The following DGLUCY variants were observed in gnomAD, a reference collection of about 807,000 sequenced individuals.
The protein encoded by DGLUCY is D-glutamate cyclase, also known as D-glutamate cyclase, mitochondrial.
In DGLUCY, 58 loss-of-function variants were observed where a neutral mutation model predicts 58.5. The ratio of observed to expected loss-of-function variants is 0.99; its 90% CI spans 0.80 to 1.23. The LOEUF (loss-of-function observed/expected upper bound fraction) is 1.23. DGLUCY is among the 50% of genes most tolerant of loss of function. DGLUCY has a pLI of 0.00. For synonymous variants in DGLUCY, 325 were observed against 314.1 expected (o/e 1.03, Z -0.37); for missense variants, 779 against 784.7 (o/e 0.99, Z 0.09).
At chr14:91,165,403 T>C in intron 3 of DGLUCY, 1 of 399,474 alleles carries the variant, frequency 2.5e-6, no homozygotes, top group South Asian at 1.9e-5. Flanking sequence ...AGCCACAGCC[T>C]GGGTTCACAC....
chr14:91,218,906 A>G (rs2750091), intron 13 of DGLUCY, among the ~76,000 whole-genome samples: 31,506 of 151,314 alleles, frequency 0.21, 3,712 homozygotes, highest in Non-Finnish European at 0.26. Flanking sequence ...GAGGCCGGGC[A>G]TGGTGGCTCT....
At chr14:91,142,840 AACACACACACACAC>A (rs558892923) in intron 1 of DGLUCY, among the ~76,000 whole-genome samples, 421 of 124,300 alleles carry the variant, frequency 3.4e-3, no homozygotes, top group Non-Finnish European at 4.9e-3. Context: ...ATCTCTACTA[AACACACACACACAC>A]ACACACACAC....
intron 1 of DGLUCY, among the ~76,000 whole-genome samples, chr14:91,145,986 C>T (rs1187410013): frequency 6.6e-6 from 1 of 152,140 alleles, no homozygotes; most frequent in Non-Finnish European, 1.5e-5. Flanking sequence ...TGAAGCAATC[C>T]TCCCGCATCA....
At chr14:91,187,403 T>C (rs537078518) in intron 8 of DGLUCY, among the ~76,000 whole-genome samples, 2 of 152,354 alleles carry the variant, frequency 1.3e-5, no homozygotes, top group South Asian at 4.1e-4. Context: ...GTAGAAGTTC[T>C]GTGTCCCACA....
At chr14:91,221,839 A>G (rs1379713469) in intron 13 of DGLUCY, among the ~76,000 whole-genome samples, 1 of 152,150 alleles carries the variant, frequency 6.6e-6, no homozygotes, top group Non-Finnish European at 1.5e-5. Context: ...CACCCTTGCA[A>G]CCACCACCAA....
intron 1 of DGLUCY, among the ~76,000 whole-genome samples, chr14:91,073,302 G>A (rs771259466): frequency 6.6e-6 from 1 of 151,654 alleles, no homozygotes. Flanking sequence ...TTAGCCAGGT[G>A]TGATGGCACA....
intron 1 of DGLUCY, among the ~76,000 whole-genome samples, chr14:91,146,856 A>G (rs1463145216): frequency 6.6e-6 from 1 of 152,028 alleles, no homozygotes; most frequent in Non-Finnish European, 1.5e-5. Flanking sequence ...GGTGATAGGT[A>G]CCATAGAAAT....
chr14:91,193,771 A>C (rs1278856431), intron 9 of DGLUCY, among the ~76,000 whole-genome samples: 1 of 151,432 alleles, frequency 6.6e-6, no homozygotes, highest in Non-Finnish European at 1.5e-5. Flanking sequence ...GAACCTGGGA[A>C]GTGGAGGTTG....
intron 1 of DGLUCY, among the ~76,000 whole-genome samples, chr14:91,092,252 G>A (rs1489828766): frequency 6.6e-6 from 1 of 152,204 alleles, no homozygotes; most frequent in Non-Finnish European, 1.5e-5. Flanking sequence ...ATTACAGAGT[G>A]TGCAGGACAG....
At chr14:91,075,466 AGAGCCCTTGTTTGTCC>A (rs2044004647) in intron 1 of DGLUCY, among the ~76,000 whole-genome samples, 2 of 152,258 alleles carry the variant, frequency 1.3e-5, no homozygotes, top group African/African-American at 4.8e-5. Flanking sequence ...TTAATTAATA[AGAGCCCTTGTTTGTCC>A]TTTGTTGGGC....
intron 1 of DGLUCY, among the ~76,000 whole-genome samples, chr14:91,130,721 C>T (rs1024273326): frequency 9.2e-5 from 14 of 152,002 alleles, no homozygotes; most frequent in Admixed American, 8.5e-4. Flanking sequence ...TAGGCTCAAG[C>T]GATCTTACCA....
intron 3 of DGLUCY, among the ~76,000 whole-genome samples, chr14:91,161,890 G>A (rs1357685162): frequency 6.6e-6 from 1 of 150,672 alleles, no homozygotes; most frequent in African/African-American, 2.5e-5. Flanking sequence ...TACAGAGAGA[G>A]CCACCAAGGT....
At chr14:91,066,272 G>A (rs953064034) in intron 1 of DGLUCY, among the ~76,000 whole-genome samples, 3 of 151,902 alleles carry the variant, frequency 2.0e-5, no homozygotes, top group Non-Finnish European at 2.9e-5. Flanking sequence ...CAGCCACCAG[G>A]GAGGCTGAGG....
At chr14:91,191,494 C>G (rs2049889836) in intron 9 of DGLUCY, among the ~76,000 whole-genome samples, 1 of 152,192 alleles carries the variant, frequency 6.6e-6, no homozygotes, top group Non-Finnish European at 1.5e-5. Flanking sequence ...TTTGGAGACA[C>G]ATAGGTCCTG....
chr14:91,192,077 A>G (rs2049936152), intron 9 of DGLUCY, among the ~76,000 whole-genome samples: 1 of 152,258 alleles, frequency 6.6e-6, no homozygotes, highest in Non-Finnish European at 1.5e-5. Context: ...TAATGCTCAT[A>G]GCACTTTATT....
Position 91,203,922 on chromosome 14 carries a change from C to G in DGLUCY, c.1445-784C>G, listed in dbSNP as rs1327035137. On this transcript the variant is annotated intron_variant, in intron 11 of 13. Transcript: ENST00000256324. ...GAACTCCTGATCTCAAGTGATCTCC[C>G]TGCCTTGGCCTCCCAAAGTGCTGGG... is the stretch of plus-strand genomic sequence containing the variant. Among the ~76,000 whole-genome samples the G allele has an allele frequency of 2.0e-5, 3 of 152,204 alleles. No homozygotes were observed. The South Asian group carries it at 6.2e-4, about 31-fold the overall frequency.
chr14:91,076,254 C>T (rs915012427), intron 1 of DGLUCY, among the ~76,000 whole-genome samples: 1 of 152,140 alleles, frequency 6.6e-6, no homozygotes, highest in Non-Finnish European at 1.5e-5. Context: ...ATACTAATAT[C>T]CATGGATACT....
intron 2 of DGLUCY, among the ~76,000 whole-genome samples, 160 bp from the exon 3 acceptor site, chr14:91,160,106 G>A (rs2047892900): frequency 6.6e-6 from 1 of 152,160 alleles, no homozygotes. Context: ...GATGTGACGG[G>A]GGAGAATGGA....
Position 91,193,843 on chromosome 14 carries a change from G to GA in DGLUCY, c.1196-2514dup, listed in dbSNP as rs76724762. Among the ~76,000 whole-genome samples the GA allele has an allele frequency of 7.2e-3, 734 of 102,436 alleles. 7 individuals carry two copies. Among genetic ancestry groups the GA allele is most frequent in the African/African-American group, 0.014 (420 of 30,506 alleles). The allele number at this position is 102,436 out of a possible 152,430, so 67.2% of individuals were successfully genotyped here. A position where few individuals can be genotyped will look rare whatever the true frequency, so the allele number is the denominator to read the frequency against. Reference sequence around the variant, plus strand: ...GGCGACAGAGTGATATTCCATCTTAGAAAAAAAAAAAAAAAAAAGGAGTTT... The same window carrying GA: ...GGCGACAGAGTGATATTCCATCTTAGAAAAAAAAAAAAAAAAAAAGGAGTTT... On this transcript the variant is annotated intron_variant, in intron 9 of 13. Transcript: ENST00000256324.
Sources: allele counts gnomAD v4.1 joint callset (sites outside exome capture counted in the v4.1 genomes callset), GRCh38; gene constraint gnomAD v4.1.1; transcripts MANE v1.5; gene names NCBI Gene and HGNC (gene_info 2026-07-23, HGNC 2026-07-21).